CHAF1B: variants seen among roughly 807,000 people sequenced by gnomAD.
CHAF1B encodes CAF-1 subunit B.
A neutral mutation model predicts 60.7 loss-of-function variants in CHAF1B; 10 were observed. That is an observed-to-expected ratio of 0.16 (90% CI 0.10 to 0.28). The LOEUF (loss-of-function observed/expected upper bound fraction) is 0.28. CHAF1B is among the 10% of genes least tolerant of loss of function. CHAF1B has a pLI of 1.00. For synonymous variants in CHAF1B, 261 were observed against 266.1 expected, an observed-to-expected ratio of 0.98 and a Z score of 0.19; for missense variants, 558 against 708.4, an observed-to-expected ratio of 0.79 and a Z score of 2.41.
intron 7 of CHAF1B, among the ~76,000 whole-genome samples, chr21:36,402,274 T>C (rs2086197250): frequency 6.6e-6 from 1 of 152,156 alleles, no homozygotes; most frequent in African/African-American, 2.4e-5. Context: ...ATTGCGCCAC[T>C]GCACTCTAGC....
At chr21:36,386,669 A>G (rs968182082) in intron 2 of CHAF1B, among the ~76,000 whole-genome samples, 6 of 152,152 alleles carry the variant, frequency 3.9e-5, no homozygotes, top group African/African-American at 1.4e-4. Context: ...CAGAATGCTA[A>G]ATTTCCAGGG....
chr21:36,409,047 G>T (rs2086257851), intron 9 of CHAF1B, among the ~76,000 whole-genome samples: 1 of 151,958 alleles, frequency 6.6e-6, no homozygotes, highest in African/African-American at 2.4e-5. Context: ...TAGAGATGGG[G>T]TTGCACCATG....
intron 8 of CHAF1B, among the ~76,000 whole-genome samples, chr21:36,403,549 G>A (rs544186573): frequency 1.3e-5 from 2 of 150,262 alleles, no homozygotes; most frequent in East Asian, 3.9e-4. Flanking sequence ...GGAAGCCATA[G>A]CGCTAAAGCC....
At chr21:36,389,069 G>C (rs368592238) in intron 3 of CHAF1B, 2 of 152,420 alleles carry the variant, frequency 1.3e-5, no homozygotes, top group African/African-American at 4.8e-5. Context: ...ATCCCGCGTC[G>C]GTACCCAGCT....
rs577198914 is a variant in CHAF1B, at chr21:36,414,451, T to C, written c.1494-844T>C. Among the ~76,000 whole-genome samples, 8 of 152,350 alleles carry C rather than the reference T, an allele frequency of 5.3e-5. No individual in the cohort carries two copies. The East Asian group carries it at 1.3e-3, about 26-fold the overall frequency. ...GATTAGCAATGTATTTTACAATTTT[T>C]CTGTTTGTTTTTATGTGACGGAAGG... On this transcript the variant is annotated intron_variant, in intron 12 of 13. Coordinates refer to ENST00000314103, the MANE Select transcript of CHAF1B (RefSeq NM_005441.3).
At chr21:36,406,447 A>C (rs554994032) in intron 8 of CHAF1B, among the ~76,000 whole-genome samples, 1 of 152,066 alleles carries the variant, frequency 6.6e-6, no homozygotes, top group African/African-American at 2.4e-5. Flanking sequence ...CACCATGCCC[A>C]GCTAATTTTT....
At chr21:36,390,847 G>C (rs2086081042) in intron 3 of CHAF1B, among the ~76,000 whole-genome samples, 1 of 152,104 alleles carries the variant, frequency 6.6e-6, no homozygotes, top group African/African-American at 2.4e-5. Flanking sequence ...GTAGAGACAA[G>C]GTCTTGCTCT....
intron 6 of CHAF1B, 156 bp from the exon 7 acceptor site, chr21:36,399,365 C>A: frequency 1.6e-6 from 1 of 641,662 alleles, no homozygotes; most frequent in Non-Finnish European, 2.8e-6. Flanking sequence ...TTAATACTTG[C>A]TTCCTTCTTA....
At chr21:36,391,111 T>G (rs1331902191) in intron 3 of CHAF1B, among the ~76,000 whole-genome samples, 1 of 152,204 alleles carries the variant, frequency 6.6e-6, no homozygotes, top group Non-Finnish European at 1.5e-5. Flanking sequence ...GCCTTCAGAT[T>G]TATTAATGTA....
intron 2 of CHAF1B, among the ~76,000 whole-genome samples, chr21:36,386,780 C>T: frequency 6.6e-6 from 1 of 150,920 alleles, no homozygotes. Flanking sequence ...GTGGTGCAAT[C>T]TCGACTTACT....
chr21:36,386,265 A>G lies in CHAF1B; in HGVS notation c.126+3A>G. The G allele has an allele frequency of 1.2e-6, 2 of 1,613,748 alleles. No individual in the cohort carries two copies. Among genetic ancestry groups the G allele is most frequent in the Non-Finnish European group, 1.7e-6 (2 of 1,179,840 alleles). ...CCGGCGTGGACACCAATGTCAGGGT[A>G]AACTGGGGCAGAGATAGACATCCGG... On this transcript the variant is annotated splice_donor_region_variant and intron_variant, in intron 2 of 13. Transcript: ENST00000314103.
chr21:36,414,126 G>A (rs925905293), intron 12 of CHAF1B, among the ~76,000 whole-genome samples: 11 of 152,084 alleles, frequency 7.2e-5, no homozygotes, highest in East Asian at 1.9e-4. Context: ...TCCTTCTGCC[G>A]TCAGGCAGCA....
chr21:36,409,431 G>T lies in CHAF1B; in HGVS notation c.885G>T (p.Pro295=). ...GKATLAVRCC[P]VYFELRPVVE... ...CCACTCTTGCTGTTCGCTGCTGTCC[G>T]GTCTACTTTGAACTGAGGCCAGTGG... The change falls in exon 10 of 14, where the codon CCG becomes CCT. Residue 295 remains proline (P), a synonymous_variant. Transcript: ENST00000314103. The T allele has an allele frequency of 1.9e-6, 3 of 1,613,716 alleles. No individual in the cohort carries two copies. The highest frequency in any genetic ancestry group is 2.5e-6 in the Non-Finnish European group (3 of 1,179,886).
In CHAF1B at chr21:36,416,383, G is replaced by C. The variant is rs1437983824; in HGVS notation, c.*17G>C. Reference sequence around the variant, plus strand: ...GACCCTTGATGGGACCTCGGCTTCTGCTCGAAGCCTACCAGGCTCCCGGTG... The same window carrying C: ...GACCCTTGATGGGACCTCGGCTTCTCCTCGAAGCCTACCAGGCTCCCGGTG... On this transcript the variant is annotated 3_prime_UTR_variant, in exon 14 of 14. Transcript: ENST00000314103. The C allele has an allele frequency of 6.2e-7, 1 of 1,604,942 alleles. No homozygotes were observed. The highest frequency in any genetic ancestry group is 1.1e-5 in the South Asian group (1 of 90,300).
Position 36,387,219 on chromosome 21 carries a change from G to GTTTT in CHAF1B, c.127-378_127-375dup, listed in dbSNP as rs1471540790. On this transcript the variant is annotated intron_variant, in intron 2 of 13. Transcript: ENST00000314103. ...AGTTTTCTTTCTGAAAATAAGCATA[G>GTTTT]TTTTGTTTTTTTTTTTTTTTTGAGA... Among the ~76,000 whole-genome samples, 198 of 141,356 alleles carry GTTTT rather than the reference G, an allele frequency of 1.4e-3. 4 individuals carry two copies. Among genetic ancestry groups the GTTTT allele is most frequent in the African/African-American group, 4.8e-3 (181 of 37,728 alleles). The allele number at this position is 141,356 out of a possible 152,430, so 92.7% of individuals were successfully genotyped here.
chr21:36,394,488 G>A (rs1175040609), intron 4 of CHAF1B, 59 bp from the exon 5 acceptor site: 4 of 1,212,174 alleles, frequency 3.3e-6, no homozygotes, highest in Non-Finnish European at 4.9e-6. Context: ...GGGATTACAG[G>A]GGTAAGCTGC....
intron 3 of CHAF1B, among the ~76,000 whole-genome samples, chr21:36,389,801 GCGCGCGCACGC>G (rs2086071241): frequency 1.2e-4 from 7 of 56,206 alleles, no homozygotes; most frequent in African/African-American, 6.7e-4. Context: ...GTGTGTGTGT[GCGCGCGCACGC>G]TGATTTGTAG....
Position 36,402,987 on chromosome 21 carries a change from C to G in CHAF1B, c.757+136C>G, listed in dbSNP as rs911247905. 4.3e-5 allele frequency: 29 copies of G among 681,016 alleles called. No individual in the cohort carries two copies. In the African/African-American group the frequency reaches 5.0e-4, roughly 12 times the overall value. The allele number at this position is 681,016 out of a possible 1,614,324, so 42.2% of individuals were successfully genotyped here. A position where few individuals can be genotyped will look rare whatever the true frequency, so the allele number is the denominator to read the frequency against. Reference sequence around the variant, plus strand: ...CCGACTTACCTGCCCATTGGAACCTCCAGGAGAGCTTCAAAAAACACATTG... The same window carrying G: ...CCGACTTACCTGCCCATTGGAACCTGCAGGAGAGCTTCAAAAAACACATTG... On this transcript the variant is annotated intron_variant, in intron 8 of 13. Transcript: ENST00000314103.
intron 4 of CHAF1B, among the ~76,000 whole-genome samples, chr21:36,393,273 A>C (rs1425832217): frequency 2.0e-5 from 3 of 151,864 alleles, no homozygotes; most frequent in African/African-American, 4.8e-5. Flanking sequence ...ATTTCTGTGG[A>C]GACAGGGTCT....
Sources: gnomAD v4.1 joint callset for allele counts (sites outside exome capture counted in the v4.1 genomes callset) on GRCh38, gnomAD v4.1.1 for gene constraint, MANE v1.5 for transcripts, NCBI Gene and HGNC (gene_info 2026-07-23, HGNC 2026-07-21) for gene names.